Variants in SYT2 observed in about 807,000 individuals in gnomAD.
SYT2 encodes the protein synaptotagmin-2.
Under a neutral mutation model 39.9 loss-of-function variants are expected in SYT2, and 15 were observed. The observed-to-expected ratio is 0.38, with a 90% CI of 0.25 to 0.58. SYT2 has a LOEUF of 0.58. SYT2 is among the 20% of genes least tolerant of loss of function. The pLI, the probability that SYT2 is intolerant of heterozygous loss-of-function variation, is 0.70. For missense variants in SYT2, 389 were observed against 530.3 expected, an observed-to-expected ratio of 0.73 and a Z score of 2.62; for synonymous variants, 181 against 204.5, an observed-to-expected ratio of 0.89 and a Z score of 0.98.
chr1:202,597,451 G>A (rs1690337343), intron 8 of SYT2, among the ~76,000 whole-genome samples: 1 of 152,172 alleles, frequency 6.6e-6, no homozygotes, highest in African/African-American at 2.4e-5. Context: ...AAAGAAGGAA[G>A]AGGATTCCAG....
rs1013242411 is a variant in SYT2 at position 202,639,854 on chromosome 1, G to A, written c.-17-34065C>T. ...GGCATTTTGGGGGATCGTGTGCATG[G>A]TGACAACTGCAGGACTGTGAACTGT... On this transcript the variant is annotated intron_variant, in intron 1 of 8. Transcript: ENST00000367268. 4.1e-6 allele frequency: 4 copies of A among 984,064 alleles called. No homozygotes were observed. The African/African-American group carries it at 7.0e-5, about 17-fold the overall frequency. The allele number at this position is 984,064 out of a possible 1,614,324, so 61.0% of individuals were successfully genotyped here.
intron 1 of SYT2, among the ~76,000 whole-genome samples, chr1:202,624,720 G>A: frequency 9.9e-5 from 1 of 10,056 alleles, no homozygotes; most frequent in Admixed American, 1.0e-3. Flanking sequence ...TGTGTGGTAT[G>A]TAGTAGGGTG....
chr1:202,634,718 G>A lies in SYT2; in HGVS notation c.-17-28929C>T, dbSNP rs185078970. ...TGGCAATAAAAAGAAATAAAGTATC[G>A]ATACATGCTTCAATGTGGCTAAACC... On this transcript the variant is annotated intron_variant, in intron 1 of 8. Coordinates refer to ENST00000367268, the MANE Select transcript of SYT2 (RefSeq NM_177402.5). Among the ~76,000 whole-genome samples, 9 of 152,268 alleles carry A rather than the reference G, an allele frequency of 5.9e-5. No homozygotes were observed. The East Asian group carries it at 9.6e-4, about 16-fold the overall frequency.
intron 1 of SYT2, among the ~76,000 whole-genome samples, chr1:202,618,107 G>A (rs796669681): frequency 3.3e-5 from 5 of 152,176 alleles, no homozygotes; most frequent in African/African-American, 1.2e-4. Flanking sequence ...TCACCATGTT[G>A]GCCAGGCTGG....
intron 1 of SYT2, among the ~76,000 whole-genome samples, chr1:202,651,638 A>G (rs554421772): frequency 1.3e-5 from 2 of 152,330 alleles, no homozygotes; most frequent in East Asian, 1.9e-4. Flanking sequence ...CTATCTATCA[A>G]TAGTTATTAC....
chr1:202,665,017 C>T (rs150732220), intron 1 of SYT2, among the ~76,000 whole-genome samples: 1 of 152,302 alleles, frequency 6.6e-6, no homozygotes, highest in African/African-American at 2.4e-5. Flanking sequence ...AGAGTTCATT[C>T]TTTTTATTAC....
intron 3 of SYT2, chr1:202,604,166 C>A (rs585234): frequency 1.9e-5 from 6 of 318,400 alleles, no homozygotes; most frequent in Non-Finnish European, 2.9e-5. Context: ...TGGTGTGGGG[C>A]TGTCTCTTTC....
At chr1:202,693,984 T>C in intron 1 of SYT2, among the ~76,000 whole-genome samples, 1 of 152,068 alleles carries the variant, frequency 6.6e-6, no homozygotes, top group Non-Finnish European at 1.5e-5. Context: ...CGGGGGGTGG[T>C]GCCACACACT....
At chr1:202,677,313 T>C (rs1226108932) in intron 1 of SYT2, among the ~76,000 whole-genome samples, 4 of 152,148 alleles carry the variant, frequency 2.6e-5, no homozygotes, top group African/African-American at 4.8e-5. Flanking sequence ...CTCCTTGAAA[T>C]TGATGGATTT....
chr1:202,663,185 C>T (rs1157902325), intron 1 of SYT2, among the ~76,000 whole-genome samples: 2 of 152,214 alleles, frequency 1.3e-5, no homozygotes, highest in Non-Finnish European at 2.9e-5. Context: ...AAGCCAGCCA[C>T]CCTTTGCCCC....
At chr1:202,639,164 T>G (rs1241012576) in intron 1 of SYT2, among the ~76,000 whole-genome samples, 1 of 152,162 alleles carries the variant, frequency 6.6e-6, no homozygotes, top group Non-Finnish European at 1.5e-5. Context: ...TGATACCGGG[T>G]CACCTTATGC....
intron 1 of SYT2, among the ~76,000 whole-genome samples, chr1:202,606,520 G>T (rs566671586): frequency 6.6e-6 from 1 of 151,946 alleles, no homozygotes; most frequent in African/African-American, 2.4e-5. Context: ...CTCCTGCCCC[G>T]CGAGACTCCT....
intron 8 of SYT2, among the ~76,000 whole-genome samples, chr1:202,598,707 C>T (rs1690387604): frequency 6.6e-6 from 1 of 152,200 alleles, no homozygotes; most frequent in Non-Finnish European, 1.5e-5. Context: ...AACCAGACCT[C>T]ATCTCCAACA....
In SYT2 at chr1:202,640,158, G is replaced by A. The variant is rs183395777; in HGVS notation, c.-17-34369C>T. Among the ~76,000 whole-genome samples the A allele has an allele frequency of 2.7e-3, 408 of 152,210 alleles. 1 individual carries two copies. Among genetic ancestry groups the A allele is most frequent in the African/African-American group, 9.5e-3 (394 of 41,504 alleles). On this transcript the variant is annotated intron_variant, in intron 1 of 8. Coordinates refer to ENST00000367268, the MANE Select transcript of SYT2 (RefSeq NM_177402.5). ...CTCTTACTGAGAAGGGGAGGTCATC[G>A]CCTCTCCCCAAGCTGACTTATAGGA...
At chr1:202,659,683 G>A (rs1187138234) in intron 1 of SYT2, among the ~76,000 whole-genome samples, 1 of 152,220 alleles carries the variant, frequency 6.6e-6, no homozygotes, top group African/African-American at 2.4e-5. Context: ...ATGACCTGGA[G>A]GGGCTGCGAG....
Position 202,699,809 on chromosome 1 carries a change from G to T in SYT2, c.-18+10449C>A, listed in dbSNP as rs138811432. ...TGCTGCACAGGCACTGGGCTCTACC[G>T]GCTGAGAGGCTCCATCCAGCATGGT... On this transcript the variant is annotated intron_variant, in intron 1 of 8. Coordinates refer to ENST00000367268, the MANE Select transcript of SYT2 (RefSeq NM_177402.5). Among the ~76,000 whole-genome samples, 11 of 152,008 alleles carry T rather than the reference G, an allele frequency of 7.2e-5. No individual in the cohort carries two copies. In the East Asian group the frequency reaches 1.9e-3, roughly 27 times the overall value.
intron 1 of SYT2, among the ~76,000 whole-genome samples, chr1:202,659,975 T>C (rs751496086): frequency 6.6e-5 from 10 of 152,166 alleles, no homozygotes; most frequent in Non-Finnish European, 1.5e-4. Context: ...GACCTGAGCT[T>C]GGCACGGAGG....
At chr1:202,606,198 T>C (rs1047408395) in intron 1 of SYT2, among the ~76,000 whole-genome samples, 1 of 152,222 alleles carries the variant, frequency 6.6e-6, no homozygotes, top group African/African-American at 2.4e-5. Flanking sequence ...ATGGTTTTTA[T>C]TGGTTCCATT....
At position 202,623,660 on chromosome 1, in the gene SYT2, G is replaced by C. The variant is rs1409505898; in HGVS notation, c.-17-17871C>G. Among the ~76,000 whole-genome samples, 1 of 152,204 alleles carries C rather than the reference G, an allele frequency of 6.6e-6. No homozygotes were observed. The highest frequency in any genetic ancestry group is 1.5e-5 in the Non-Finnish European group (1 of 68,032). On this transcript the variant is annotated intron_variant, in intron 1 of 8. Coordinates refer to ENST00000367268, the MANE Select transcript of SYT2 (RefSeq NM_177402.5). The surrounding 1 kb of genome is among the most constrained non-coding windows in gnomAD (Gnocchi z 4.2). The stretch of plus-strand genomic sequence containing the variant: ...GTGTAGGATACGGAAAGTGTGTAGG[G>C]GGGGTGCACCCGTGGGCCCCAGGAG...
Sources: gnomAD v4.1 joint callset for allele counts (sites outside exome capture counted in the v4.1 genomes callset) on GRCh38, gnomAD v4.1.1 for gene constraint, Gnocchi (gnomAD v3.1) non-coding constraint, MANE v1.5 for transcripts, NCBI Gene and HGNC (gene_info 2026-07-23, HGNC 2026-07-21) for gene names.